Variants in TULP3 observed in about 807,000 individuals in gnomAD.
TULP3 encodes the protein tubby-related protein 3.
Under a neutral mutation model 50.7 loss-of-function variants are expected in TULP3, and 38 were observed. The observed-to-expected ratio is 0.75, with a 90% CI of 0.58 to 0.98. The LOEUF (loss-of-function observed/expected upper bound fraction) is 0.98, where lower values mean the gene tolerates loss of function less well. TULP3 is among the 50% of genes least tolerant of loss of function. The probability of loss-of-function intolerance (pLI) is 0.00; values close to 1 mark genes in which losing one functional copy is unlikely to be tolerated. For synonymous variants in TULP3, 183 were observed against 196.6 expected (o/e 0.93, Z 0.58); for missense variants, 550 against 568.0 (o/e 0.97, Z 0.32).
chr12:2,901,285 A>AGT (rs751327409), intron 1 of TULP3, among the ~76,000 whole-genome samples: 2 of 115,434 alleles, frequency 1.7e-5, no homozygotes, highest in African/African-American at 6.6e-5. Context: ...GGCTAATTTG[A>AGT]TTTTTTTTTT....
intron 3 of TULP3, among the ~76,000 whole-genome samples, chr12:2,921,672 C>G (rs2098191841): frequency 6.6e-6 from 1 of 152,138 alleles, no homozygotes; most frequent in Non-Finnish European, 1.5e-5. Context: ...TGTACAGGAT[C>G]TGTACTATGG....
intron 2 of TULP3, among the ~76,000 whole-genome samples, chr12:2,911,356 AT>A (rs879759940): frequency 8.5e-4 from 123 of 144,114 alleles, no homozygotes; most frequent in Middle Eastern, 3.5e-3. Context: ...TAGTCAGTGA[AT>A]TTTTTTTTTT....
intron 1 of TULP3, among the ~76,000 whole-genome samples, chr12:2,906,859 C>G (rs574482609): frequency 1.0e-3 from 151 of 151,258 alleles, no homozygotes; most frequent in Non-Finnish European, 1.6e-3. Context: ...GAGGTTGCAG[C>G]GAGCCAAGAT....
chr12:2,940,854 G>A lies in TULP3; in HGVS notation c.*1410G>A. ...CACCAAGTGCCTCCCTCACAGCCAT[G>A]CCCAGAAGCCTCACACCTCGTCACC... On this transcript the variant is annotated 3_prime_UTR_variant, in exon 11 of 11. Transcript: ENST00000448120. 1 of 835,150 alleles carries A rather than the reference G, an allele frequency of 1.2e-6. No individual in the cohort carries two copies. The highest frequency in any genetic ancestry group is 1.8e-6 in the Non-Finnish European group (1 of 547,102). The allele number at this position is 835,150 out of a possible 1,614,324, so 51.7% of individuals were successfully genotyped here.
At chr12:2,919,514 G>T (rs551015500) in intron 2 of TULP3, among the ~76,000 whole-genome samples, 41 of 152,168 alleles carry the variant, frequency 2.7e-4, no homozygotes, top group African/African-American at 6.0e-4. Flanking sequence ...CTTCCTGGAG[G>T]CACTTTTCTA....
intron 4 of TULP3, among the ~76,000 whole-genome samples, chr12:2,927,891 A>G (rs1428324811): frequency 6.6e-6 from 1 of 152,092 alleles, no homozygotes; most frequent in African/African-American, 2.4e-5. Context: ...ACACAAGGGA[A>G]TTTAGTTTAG....
chr12:2,902,942 A>G (rs544463809), intron 1 of TULP3, among the ~76,000 whole-genome samples: 8 of 151,496 alleles, frequency 5.3e-5, no homozygotes, highest in South Asian at 4.2e-4. Flanking sequence ...GCTCACTGCA[A>G]CCTTCACCTC....
At chr12:2,913,084 C>A (rs927260420) in intron 2 of TULP3, among the ~76,000 whole-genome samples, 2 of 151,380 alleles carry the variant, frequency 1.3e-5, no homozygotes, top group Non-Finnish European at 2.9e-5. Flanking sequence ...AGTTTTTCCA[C>A]ATTCTTACCA....
chr12:2,930,956 C>G (rs969573954), intron 5 of TULP3, 81 bp from the exon 6 acceptor site: 1 of 1,476,906 alleles, frequency 6.8e-7, no homozygotes, highest in Non-Finnish European at 9.5e-7. Flanking sequence ...TACTAAGTTG[C>G]TTTGTCCACT....
At chr12:2,919,613 C>G (rs1462971167) in intron 2 of TULP3, among the ~76,000 whole-genome samples, 6 of 152,092 alleles carry the variant, frequency 3.9e-5, no homozygotes, top group Non-Finnish European at 1.5e-5. Context: ...GTTTTTTAAT[C>G]ATGTCTTTAT....
intron 1 of TULP3, among the ~76,000 whole-genome samples, chr12:2,906,182 C>T (rs1026438275): frequency 6.6e-6 from 1 of 151,130 alleles, no homozygotes; most frequent in Non-Finnish European, 1.5e-5. Flanking sequence ...AGGTGCCCAC[C>T]ACCATACCCG....
chr12:2,892,222 C>G (rs192369881), intron 1 of TULP3, among the ~76,000 whole-genome samples: 1 of 151,516 alleles, frequency 6.6e-6, no homozygotes, highest in Non-Finnish European at 1.5e-5. Flanking sequence ...TCGTCAAGTT[C>G]TATTGAGGTG....
At chr12:2,911,229 A>AATAAAAACATAAG (rs1271449585) in intron 2 of TULP3, among the ~76,000 whole-genome samples, 2 of 152,278 alleles carry the variant, frequency 1.3e-5, no homozygotes, top group East Asian at 3.9e-4. Context: ...TTACATAGGT[A>AATAAAAACATAAG]ATAAAAACAT....
intron 1 of TULP3, among the ~76,000 whole-genome samples, chr12:2,896,837 C>A (rs2153947567): frequency 6.6e-6 from 1 of 152,050 alleles, no homozygotes; most frequent in East Asian, 1.9e-4. Context: ...GATTATAGTG[C>A]CTACTTTGTC....
At chr12:2,922,442 A>G (rs1279700550) in intron 4 of TULP3, 40 bp downstream of exon 4, 4 of 1,589,076 alleles carry the variant, frequency 2.5e-6, no homozygotes, top group East Asian at 4.5e-5. Context: ...TTGTCTCCTT[A>G]CTCAATTGTA....
In TULP3 at chr12:2,931,250, T is replaced by C. The variant is rs773081590; in HGVS notation, c.696+10T>C. ...AGAAGAAAATCAGAAGGTATGAGAA[T>C]TGATTTCTAAGAAAACTCTTGAGAG... On this transcript the variant is annotated intron_variant, in intron 6 of 10. Transcript: ENST00000448120. 1.9e-6 allele frequency: 3 copies of C among 1,612,630 alleles called. No homozygotes were observed. The highest frequency in any genetic ancestry group is 4.5e-5 in the East Asian group (2 of 44,874).
intron 2 of TULP3, among the ~76,000 whole-genome samples, chr12:2,910,471 A>ACTT (rs2098184824): frequency 6.6e-6 from 1 of 152,204 alleles, no homozygotes; most frequent in South Asian, 2.1e-4. Flanking sequence ...GAACAAAGGA[A>ACTT]GGACTAAATG....
chr12:2,897,993 A>G (rs939386071), intron 1 of TULP3, among the ~76,000 whole-genome samples: 1 of 148,980 alleles, frequency 6.7e-6, no homozygotes, highest in Non-Finnish European at 1.5e-5. Flanking sequence ...CATGAGAATC[A>G]CTTGAACATG....
intron 4 of TULP3, among the ~76,000 whole-genome samples, chr12:2,923,979 TCAACAACAA>T (rs890006747): frequency 6.6e-6 from 1 of 152,020 alleles, no homozygotes; most frequent in African/African-American, 2.4e-5. Context: ...GGACCCCGTC[TCAACAACAA>T]CAACAACAGA....
Sources: gnomAD v4.1 joint callset for allele counts (sites outside exome capture counted in the v4.1 genomes callset) on GRCh38, gnomAD v4.1.1 for gene constraint, MANE v1.5 for transcripts, NCBI Gene and HGNC (gene_info 2026-07-23, HGNC 2026-07-21) for gene names.